The following PLXDC1 variants were observed in gnomAD, a reference collection of about 807,000 sequenced individuals.
PLXDC1 encodes plexin domain containing 1.
In PLXDC1, 39 loss-of-function variants were observed where a neutral mutation model predicts 61.3. That is an observed-to-expected ratio of 0.64 (90% CI 0.49 to 0.83). The LOEUF is 0.83. Among genes scored for constraint, PLXDC1 ranks in the 40% least tolerant of loss-of-function variants. The pLI, the probability that PLXDC1 is intolerant of heterozygous loss-of-function variation, is 0.00. For synonymous variants in PLXDC1, 212 were observed against 254.5 expected, an observed-to-expected ratio of 0.83 and a Z score of 1.59; for missense variants, 596 against 666.5, an observed-to-expected ratio of 0.89 and a Z score of 1.17.
chr17:39,120,948 G>A (rs992396637), intron 2 of PLXDC1, among the ~76,000 whole-genome samples: 1 of 151,986 alleles, frequency 6.6e-6, no homozygotes, highest in African/African-American at 2.4e-5. Context: ...TGTATTTTTA[G>A]TAGAGACAGG....
At chr17:39,096,907 C>G (rs1052354744) in intron 7 of PLXDC1, 66 of 471,142 alleles carry the variant, frequency 1.4e-4, no homozygotes, top group African/African-American at 1.2e-3. Flanking sequence ...CCTCTGCAAA[C>G]AGATGCTGCT....
chr17:39,087,772 C>T, intron 7 of PLXDC1, 70 bp from the exon 8 acceptor site: 1 of 1,090,604 alleles, frequency 9.2e-7, no homozygotes. Flanking sequence ...TCTTCCCGGA[C>T]AGTCTGACAG....
Position 39,072,504 on chromosome 17 carries a change from G to C in PLXDC1, c.1187-19C>G. On this transcript the variant is annotated intron_variant, in intron 11 of 13. Coordinates refer to ENST00000315392, the MANE Select transcript of PLXDC1 (RefSeq NM_020405.5). ...GTGTCATCTTCAAAGAGAGAAGACA[G>C]AAGGAGCAAGATTAGTGGAATCATT... is the stretch of plus-strand genomic sequence containing the variant. The C allele has an allele frequency of 6.8e-7, 1 of 1,470,790 alleles. No individual in the cohort carries two copies. Among genetic ancestry groups the C allele is most frequent in the Non-Finnish European group, 9.3e-7 (1 of 1,070,650 alleles). The allele number at this position is 1,470,790 out of a possible 1,614,324, so 91.1% of individuals were successfully genotyped here. A position where few individuals can be genotyped will look rare whatever the true frequency, so the allele number is the denominator to read the frequency against.
Position 39,091,958 on chromosome 17 carries a change from CAAAAAAAAAA to C in PLXDC1, c.812-4266_812-4257del, listed in dbSNP as rs71141756. 6.6e-5 allele frequency among the ~76,000 whole-genome samples: 7 copies of C among 105,386 alleles called. No individual in the cohort carries two copies. In the Admixed American group the frequency reaches 6.8e-4, roughly 10 times the overall value. The allele number at this position is 105,386 out of a possible 152,430, so 69.1% of individuals were successfully genotyped here. On this transcript the variant is annotated intron_variant, in intron 7 of 13. Coordinates refer to ENST00000315392, the MANE Select transcript of PLXDC1 (RefSeq NM_020405.5). ...TGGGCAACAGAGTGAGACTCTATCT[CAAAAAAAAAA>C]AAAAAAAAAAAAAATCAAGTTGTCT... is the stretch of plus-strand genomic sequence containing the variant.
intron 2 of PLXDC1, among the ~76,000 whole-genome samples, chr17:39,133,985 C>T (rs1911648074): frequency 6.6e-6 from 1 of 151,744 alleles, no homozygotes; most frequent in South Asian, 2.1e-4. Context: ...AGGCCAGGTG[C>T]AGTGGCTCAC....
Position 39,151,477 on chromosome 17 carries a change from C to A in PLXDC1, c.-40G>T. ...CCTGCCCCCGGCCTGCTTGCTGCCC[C>A]GGTCCTGACGAGGGAGGGGGCCCTG... is the stretch of plus-strand genomic sequence containing the variant. On this transcript the variant is annotated 5_prime_UTR_variant, in exon 1 of 14. Coordinates refer to ENST00000315392, the MANE Select transcript of PLXDC1 (RefSeq NM_020405.5). This position sits in a 1 kb window ranked among gnomAD's most constrained non-coding sequence, Gnocchi z 5.2. 8.1e-7 allele frequency: 1 copy of A among 1,237,690 alleles called. No individual in the cohort carries two copies. Among genetic ancestry groups the A allele is most frequent in the Non-Finnish European group, 1.0e-6 (1 of 990,060 alleles). The allele number at this position is 1,237,690 out of a possible 1,614,324, so 76.7% of individuals were successfully genotyped here.
At chr17:39,139,612 CA>C in intron 2 of PLXDC1, 41 bp downstream of exon 2, 1 of 1,534,688 alleles carries the variant, frequency 6.5e-7, no homozygotes, top group Non-Finnish European at 8.9e-7. Context: ...AGACCTCCCC[CA>C]CCCCCACTTC....
At chr17:39,134,639 A>AG (rs1491478770) in intron 2 of PLXDC1, among the ~76,000 whole-genome samples, 1 of 130,638 alleles carries the variant, frequency 7.7e-6, no homozygotes, top group African/African-American at 2.6e-5. Flanking sequence ...AAAAAAAAAA[A>AG]GAAAAAGAAA....
rs1909786255 is a variant in PLXDC1 at position 39,087,506 on chromosome 17, G to C, written c.907+101C>G. On this transcript the variant is annotated intron_variant, in intron 8 of 13. Transcript: ENST00000315392. ...AGAGATGGAGGGCCCCGAAAAGTTA[G>C]GTGGCTGCACAAAACAGGAGTCAGT... 2.7e-5 allele frequency: 24 copies of C among 884,070 alleles called. No individual in the cohort carries two copies. The South Asian group carries it at 3.4e-4, about 13-fold the overall frequency. 54.8% of individuals were successfully genotyped at this position (884,070 alleles called of 1,614,324 possible). A position where few individuals can be genotyped will look rare whatever the true frequency, so the allele number is the denominator to read the frequency against.
At chr17:39,149,591 A>G (rs2045361225) in intron 1 of PLXDC1, among the ~76,000 whole-genome samples, 1 of 152,212 alleles carries the variant, frequency 6.6e-6, no homozygotes, top group Non-Finnish European at 1.5e-5. Flanking sequence ...TGTCAAAGCC[A>G]AGAAGACAGG....
chr17:39,101,843 C>G (rs977775801), intron 7 of PLXDC1, among the ~76,000 whole-genome samples: 1 of 152,174 alleles, frequency 6.6e-6, no homozygotes, highest in Non-Finnish European at 1.5e-5. Flanking sequence ...CGATATCATG[C>G]AGTGTTGCGT....
rs1567769551 is a variant in PLXDC1, at chr17:39,128,106, T to TATATATATATATATATACATATATAC, written c.255+11547_255+11548insGTATATATGTATATATATATATATAT. Among the ~76,000 whole-genome samples, 79 of 98,482 alleles carry TATATATATATATATATACATATATAC rather than the reference T, an allele frequency of 8.0e-4. 3 individuals carry two copies. In the South Asian group the frequency reaches 0.017, roughly 21 times the overall value. 64.6% of individuals were successfully genotyped at this position (98,482 alleles called of 152,430 possible). A position where few individuals can be genotyped will look rare whatever the true frequency, so the allele number is the denominator to read the frequency against. ...CTCTCTCTCTCTATGTGTATATATA[T>TATATATATATATATATACATATATAC]ATATATATGTATATATATATGTGTA... On this transcript the variant is annotated intron_variant, in intron 2 of 13. Coordinates refer to ENST00000315392, the MANE Select transcript of PLXDC1 (RefSeq NM_020405.5).
Position 39,064,174 on chromosome 17 carries a change from AAC to A in PLXDC1, c.*3664_*3665del, listed in dbSNP as rs1318127493. 2 of 152,222 alleles carry A rather than the reference AAC, an allele frequency of 1.3e-5. No homozygotes were observed. Among genetic ancestry groups the A allele is most frequent in the Non-Finnish European group, 2.9e-5 (2 of 68,056 alleles). 9.4% of individuals were successfully genotyped at this position (152,222 alleles called of 1,614,324 possible). A position where few individuals can be genotyped will look rare whatever the true frequency, so the allele number is the denominator to read the frequency against. On this transcript the variant is annotated 3_prime_UTR_variant, in exon 14 of 14. Transcript: ENST00000315392. ...ACACTGTACAGGAGACCCCTGATAA[AAC>A]ACACAAATTTTAAAAATTTATTTTT...
At chr17:39,123,642 T>G (rs1259882203) in intron 2 of PLXDC1, among the ~76,000 whole-genome samples, 1 of 152,174 alleles carries the variant, frequency 6.6e-6, no homozygotes, top group African/African-American at 2.4e-5. Context: ...AGGGCTTGAT[T>G]GTGGAGGCTG....
intron 2 of PLXDC1, among the ~76,000 whole-genome samples, chr17:39,110,882 G>A (rs868293044): frequency 2.0e-5 from 3 of 152,012 alleles, no homozygotes; most frequent in Admixed American, 1.3e-4. Context: ...GGTTGGTGTC[G>A]GGGGCTATTC....
At chr17:39,073,875 C>T (rs191511851) in intron 11 of PLXDC1, among the ~76,000 whole-genome samples, 48 of 152,352 alleles carry the variant, frequency 3.2e-4, no homozygotes, top group Admixed American at 2.7e-3. Flanking sequence ...GTGACAGCTA[C>T]TTGCCACTCA....
chr17:39,152,339 GCCAGAC>G (rs1034165321), upstream of PLXDC1: 13 of 425,808 alleles, frequency 3.1e-5, no homozygotes, highest in East Asian at 3.8e-5. Flanking sequence ...CCTACTCAGG[GCCAGAC>G]CCAATCAATC....
intron 7 of PLXDC1, among the ~76,000 whole-genome samples, chr17:39,103,495 AT>A (rs1355041113): frequency 6.6e-6 from 1 of 152,110 alleles, no homozygotes; most frequent in Non-Finnish European, 1.5e-5. Context: ...ATGAACTATG[AT>A]GGGGACACTG....
At chr17:39,079,051 C>T (rs1909451424) in intron 10 of PLXDC1, 53 bp downstream of exon 10, 2 of 1,490,430 alleles carry the variant, frequency 1.3e-6, no homozygotes, top group East Asian at 4.5e-5. Flanking sequence ...TGGCTGCCCT[C>T]CTGTTCCCCA....
Sources: gnomAD v4.1 joint callset for allele counts (sites outside exome capture counted in the v4.1 genomes callset) on GRCh38, gnomAD v4.1.1 for gene constraint, Gnocchi (gnomAD v3.1) non-coding constraint, MANE v1.5 for transcripts, NCBI Gene and HGNC (gene_info 2026-07-23, HGNC 2026-07-21) for gene names.